The following C12orf76 variants were observed in gnomAD, a reference collection of about 807,000 sequenced individuals.
C12orf76 encodes uncharacterized protein C12orf76.
In C12orf76, 6 loss-of-function variants were observed where a neutral mutation model predicts 6.8. That is an observed-to-expected ratio of 0.88 (90% CI 0.48 to 1.73). The LOEUF (loss-of-function observed/expected upper bound fraction) is 1.73, where lower values mean the gene tolerates loss of function less well. Among genes scored for constraint, C12orf76 ranks in the 40% most tolerant of loss-of-function variants. The pLI, the probability that C12orf76 is intolerant of heterozygous loss-of-function variation, is 0.01. For synonymous variants in C12orf76, 56 were observed against 43.7 expected (o/e 1.28, Z -1.11); for missense variants, 99 against 98.2 (o/e 1.01, Z -0.03).
chr12:110,073,490 G>C (rs1892985923), exon 1 of C12orf76: 7 of 521,432 alleles, frequency 1.3e-5, no homozygotes, highest in South Asian at 9.8e-5. Flanking sequence ...GGATCCGGGC[G>C]ACTTTGTTTG....
chr12:110,050,881 A>C (rs1052036577), upstream of C12orf76: 10 of 624,388 alleles, frequency 1.6e-5, no homozygotes, highest in Middle Eastern at 6.1e-4. Context: ...CTGGATCGGG[A>C]CCCTTTTCCT....
chr12:110,047,851 G>A (rs1022043486), intron 1 of C12orf76, among the ~76,000 whole-genome samples: 1 of 152,232 alleles, frequency 6.6e-6, no homozygotes, highest in Non-Finnish European at 1.5e-5. Context: ...AAGAAGAGGG[G>A]TGGGGTAAAT....
At chr12:110,073,338 A>G (rs868562327) in intron 1 of C12orf76, 1 of 475,288 alleles carries the variant, frequency 2.1e-6, no homozygotes, top group Non-Finnish European at 4.2e-6. Flanking sequence ...TGAGATTCAG[A>G]ATGTGCACCT....
chr12:110,069,517 G>A (rs146272856), upstream of C12orf76, among the ~76,000 whole-genome samples: 7 of 152,346 alleles, frequency 4.6e-5, no homozygotes, highest in East Asian at 5.8e-4. Context: ...ACATAGCACA[G>A]CAAACAACTC....
upstream of C12orf76, among the ~76,000 whole-genome samples, chr12:110,068,504 TTTCTGTCACTTACTGCGCAAACAA>T (rs1224712580): frequency 6.6e-6 from 1 of 152,090 alleles, no homozygotes; most frequent in East Asian, 1.9e-4. Flanking sequence ...GTAAGCTGGG[TTTCTGTCACTTACTGCGCAAACAA>T]TCCTGGCTAA....
At chr12:110,060,357 C>T (rs1480561520) in intron 2 of C12orf76, among the ~76,000 whole-genome samples, 1 of 152,218 alleles carries the variant, frequency 6.6e-6, no homozygotes, top group Admixed American at 6.5e-5. Context: ...CCGCCCACTC[C>T]AGTCTGGCTC....
Position 110,046,674 on chromosome 12 carries a change from T to C in C12orf76, c.133+1689A>G, listed in dbSNP as rs1264474962. ...TGTTAAGTTTCTAAACACTCTCAAT[T>C]TCTGTAGTCATCTCTTTGCAGATAA... is the stretch of plus-strand genomic sequence containing the variant. On this transcript the variant is annotated intron_variant, in intron 1 of 1. Transcript: ENST00000615315. 2.6e-5 allele frequency among the ~76,000 whole-genome samples: 4 copies of C among 152,144 alleles called. No individual in the cohort carries two copies. The East Asian group carries it at 7.7e-4, about 29-fold the overall frequency.
At position 110,041,291 on chromosome 12, in the gene C12orf76, A is replaced by C. The variant is rs1892305528; in HGVS notation, c.*1083T>G. 1 of 152,676 alleles carries C rather than the reference A, an allele frequency of 6.5e-6. No individual in the cohort carries two copies. The highest frequency in any genetic ancestry group is 2.4e-5 in the African/African-American group (1 of 41,476). The allele number at this position is 152,676 out of a possible 1,614,324, so 9.5% of individuals were successfully genotyped here. ...AATCCTTACACAGTTACAGTATCCT[A>C]CTTCGGTTACTTCACATTAAATGCA... On this transcript the variant is annotated 3_prime_UTR_variant, in exon 2 of 2. Transcript: ENST00000615315.
At chr12:110,063,337 G>A (rs549271402) in intron 2 of C12orf76, among the ~76,000 whole-genome samples, 44 of 152,066 alleles carry the variant, frequency 2.9e-4, no homozygotes, top group African/African-American at 1.1e-3. Flanking sequence ...AGGGTGGGGT[G>A]CAGTGGTGCA....
rs561959525 is a variant in C12orf76, at chr12:110,067,606, C to T, written n.90G>A. ...CTCCGTCATCTTCTCGAACTCCAGA[C>T]CTCAGGTGATCCACCCACCTCGGCC... is the stretch of plus-strand genomic sequence containing the variant. On this transcript the variant is annotated non_coding_transcript_exon_variant, in exon 1 of 5. Coordinates refer to the C12orf76 transcript ENST00000309050. 1.2e-5 allele frequency: 12 copies of T among 984,430 alleles called. No homozygotes were observed. The African/African-American group carries it at 2.1e-4, about 17-fold the overall frequency. 61.0% of individuals were successfully genotyped at this position (984,430 alleles called of 1,614,324 possible). A position where few individuals can be genotyped will look rare whatever the true frequency, so the allele number is the denominator to read the frequency against.
upstream of C12orf76, chr12:110,048,616 T>C (rs1892516429): frequency 1.5e-6 from 2 of 1,311,710 alleles, no homozygotes; most frequent in East Asian, 3.1e-5. Context: ...CCATGGTAAC[T>C]GTGCGTCCTG....
chr12:110,069,889 A>C (rs1490102711), upstream of C12orf76, among the ~76,000 whole-genome samples: 1 of 152,222 alleles, frequency 6.6e-6, no homozygotes, highest in East Asian at 1.9e-4. Context: ...CATCATGTGA[A>C]AGAAAAATAT....
chr12:110,044,413 C>T (rs559548496), intron 1 of C12orf76: 40 of 152,456 alleles, frequency 2.6e-4, no homozygotes, highest in Middle Eastern at 1.4e-3. Flanking sequence ...GACATGGTGG[C>T]GGGCACCTGT....
At chr12:110,067,584 C>G in exon 1 of C12orf76, 1 of 985,390 alleles carries the variant, frequency 1.0e-6, no homozygotes. Flanking sequence ...CACACTGCTC[C>G]GTCATCTTCT....
chr12:110,052,971 G>C (rs1892606368), upstream of C12orf76, among the ~76,000 whole-genome samples: 1 of 152,152 alleles, frequency 6.6e-6, no homozygotes, highest in African/African-American at 2.4e-5. Flanking sequence ...GGGAGGCCAA[G>C]GTGGGCGGAT....
At chr12:110,048,535 G>T, upstream of C12orf76, 2 of 1,376,296 alleles carry the variant, frequency 1.5e-6, no homozygotes, top group Non-Finnish European at 1.9e-6. Flanking sequence ...CACTTCCGTC[G>T]CAAGCCCTGC....
intron 1 of C12orf76, among the ~76,000 whole-genome samples, chr12:110,072,735 C>G (rs1669623052): frequency 2.0e-5 from 3 of 151,944 alleles, no homozygotes; most frequent in African/African-American, 7.2e-5. Context: ...CCAGCCTGGC[C>G]AACATGGCGA....
intron 4 of C12orf76, among the ~76,000 whole-genome samples, chr12:110,055,507 G>C (rs1892653194): frequency 1.3e-5 from 2 of 152,114 alleles, no homozygotes; most frequent in Admixed American, 6.5e-5. Flanking sequence ...GTGCCTGGCA[G>C]AGACAGAGGT....
chr12:110,058,065 C>CAA (rs59838926), intron 3 of C12orf76, among the ~76,000 whole-genome samples: 694 of 52,238 alleles, frequency 0.013, 3 homozygotes, highest in Non-Finnish European at 0.015. Flanking sequence ...GACTCGGTCT[C>CAA]AAAAAAAAAA....
Sources: gnomAD v4.1 joint callset for allele counts (sites outside exome capture counted in the v4.1 genomes callset) on GRCh38, gnomAD v4.1.1 for gene constraint, MANE v1.5 for transcripts, NCBI Gene and HGNC (gene_info 2026-07-23, HGNC 2026-07-21) for gene names.